The following TTC1 variants were observed in gnomAD, a reference collection of about 807,000 sequenced individuals.
TTC1 encodes the protein tetratricopeptide repeat domain 1, also known as tetratricopeptide repeat protein 1.
In TTC1, 31 loss-of-function variants were observed where a neutral mutation model predicts 37.6. The ratio of observed to expected loss-of-function variants is 0.82; its 90% CI spans 0.62 to 1.11. The LOEUF is 1.11. Among genes scored for constraint, TTC1 ranks in the 50% most tolerant of loss-of-function variants. The pLI, the probability that TTC1 is intolerant of heterozygous loss-of-function variation, is 0.00. For synonymous variants in TTC1, 127 were observed against 122.4 expected (o/e 1.04, Z -0.25); for missense variants, 351 against 339.0 (o/e 1.04, Z -0.28).
chr5:160,039,276 TTCTC>T (rs1455230602), intron 4 of TTC1: 4 of 148,916 alleles, frequency 2.7e-5, no homozygotes, highest in Non-Finnish European at 5.9e-5. Context: ...AAAGAGTAGG[TTCTC>T]TTTTTTTTTT....
intron 7 of TTC1, 139 bp downstream of exon 7, chr5:160,051,322 C>G (rs972744539): frequency 2.7e-5 from 17 of 621,742 alleles, no homozygotes; most frequent in Non-Finnish European, 4.0e-5. Flanking sequence ...GTTATTTTGA[C>G]CCCAGAAGGG....
chr5:160,016,334 C>T (rs1248858517), intron 2 of TTC1, among the ~76,000 whole-genome samples: 1 of 152,094 alleles, frequency 6.6e-6, no homozygotes, highest in Non-Finnish European at 1.5e-5. Context: ...GCCGAGATCA[C>T]GCCACTGCAC....
At chr5:160,063,995 G>T (rs956491062) in intron 7 of TTC1, among the ~76,000 whole-genome samples, 14 of 144,316 alleles carry the variant, frequency 9.7e-5, no homozygotes, top group Admixed American at 4.2e-4. Context: ...TTGAGACGGA[G>T]TCTCACTCTG....
intron 5 of TTC1, among the ~76,000 whole-genome samples, chr5:160,046,562 A>G (rs1165587671): frequency 6.6e-6 from 1 of 152,156 alleles, no homozygotes; most frequent in Non-Finnish European, 1.5e-5. Flanking sequence ...TCTATAAATT[A>G]GCACAATGTA....
intron 7 of TTC1, among the ~76,000 whole-genome samples, chr5:160,055,483 G>A (rs1471633546): frequency 6.6e-6 from 1 of 152,198 alleles, no homozygotes; most frequent in African/African-American, 2.4e-5. Context: ...CTAATCACCA[G>A]TTGCAAAGCA....
intron 7 of TTC1, among the ~76,000 whole-genome samples, chr5:160,053,646 C>A (rs1279915476): frequency 6.6e-6 from 1 of 152,164 alleles, no homozygotes. Context: ...ATCACTTTAG[C>A]TTTCAGAGTC....
At chr5:160,041,200 T>C (rs564138549) in intron 4 of TTC1, among the ~76,000 whole-genome samples, 42 of 152,202 alleles carry the variant, frequency 2.8e-4, no homozygotes, top group Non-Finnish European at 5.4e-4. Context: ...CAGTACACTT[T>C]TTTTTAGTAG....
intron 5 of TTC1, among the ~76,000 whole-genome samples, chr5:160,044,067 T>C (rs1757155618): frequency 6.6e-6 from 1 of 152,212 alleles, no homozygotes; most frequent in East Asian, 1.9e-4. Context: ...ATAATCACTT[T>C]TTCTTGCGGC....
At chr5:160,027,373 A>G (rs1356080481) in intron 2 of TTC1, among the ~76,000 whole-genome samples, 1 of 152,220 alleles carries the variant, frequency 6.6e-6, no homozygotes, top group Non-Finnish European at 1.5e-5. Flanking sequence ...ATATATTGAT[A>G]GAAGCTTTGC....
intron 4 of TTC1, among the ~76,000 whole-genome samples, chr5:160,037,274 GAT>G (rs1480049702): frequency 9.8e-5 from 15 of 152,298 alleles, no homozygotes; most frequent in Admixed American, 7.8e-4. Flanking sequence ...CAACAGCTGG[GAT>G]AAAAGGTACC....
chr5:160,038,013 G>T (rs6873751), intron 4 of TTC1, among the ~76,000 whole-genome samples: 24,697 of 150,808 alleles, frequency 0.16, 2,210 homozygotes, highest in East Asian at 0.26. Context: ...TGTTGTTGTT[G>T]TTTTTTTTAA....
intron 3 of TTC1, 137 bp from the exon 4 acceptor site, chr5:160,036,554 A>ATCCC: frequency 1.6e-6 from 1 of 623,288 alleles, no homozygotes; most frequent in South Asian, 1.9e-5. Context: ...ACTGCGCCAG[A>ATCCC]CTTAATAGAC....
chr5:160,062,485 C>T (rs1753447803), intron 7 of TTC1, among the ~76,000 whole-genome samples: 1 of 152,332 alleles, frequency 6.6e-6, no homozygotes, highest in Middle Eastern at 3.4e-3. Flanking sequence ...GGTCTGCCTC[C>T]CCACTAGACT....
intron 5 of TTC1, among the ~76,000 whole-genome samples, chr5:160,045,558 T>TCC (rs1288350012): frequency 3.1e-5 from 2 of 63,592 alleles, no homozygotes; most frequent in African/African-American, 1.3e-4. Flanking sequence ...TCTCTCCCCC[T>TCC]CCCCTCTCTC....
In TTC1 at chr5:160,046,103, C is replaced by T. The variant is rs528267689; in HGVS notation, c.541+2934C>T. Among the ~76,000 whole-genome samples the T allele has an allele frequency of 7.2e-5, 11 of 152,252 alleles. No individual in the cohort carries two copies. The Middle Eastern group carries it at 0.01, about 141-fold the overall frequency. On this transcript the variant is annotated intron_variant, in intron 5 of 7. Transcript: ENST00000231238. ...CAATATTCTCCTTCAATTGCTGTACCATTTATCTGATCCCTTTCATTGAAA... is the reference window on the plus strand; with the variant it reads ...CAATATTCTCCTTCAATTGCTGTACTATTTATCTGATCCCTTTCATTGAAA...
chr5:160,025,173 G>A (rs1449268857), intron 2 of TTC1, among the ~76,000 whole-genome samples: 3 of 152,032 alleles, frequency 2.0e-5, no homozygotes, highest in Non-Finnish European at 2.9e-5. Flanking sequence ...GATTACAGGC[G>A]CCTGCCACCA....
At chr5:160,025,501 C>T (rs1756786256) in intron 2 of TTC1, among the ~76,000 whole-genome samples, 1 of 152,216 alleles carries the variant, frequency 6.6e-6, no homozygotes, top group Non-Finnish European at 1.5e-5. Context: ...GACTATAGGT[C>T]AGAGCTCTGG....
chr5:160,061,108 C>A (rs1020180579), intron 7 of TTC1, among the ~76,000 whole-genome samples: 4 of 152,232 alleles, frequency 2.6e-5, no homozygotes, highest in Admixed American at 6.5e-5. Flanking sequence ...GACAGCCTGG[C>A]AGGAGGCACC....
chr5:160,033,572 A>T (rs1469068439), intron 2 of TTC1, among the ~76,000 whole-genome samples: 1 of 152,236 alleles, frequency 6.6e-6, no homozygotes, highest in Non-Finnish European at 1.5e-5. Flanking sequence ...TTATAAACAA[A>T]AGAGGTTGAA....
Sources: allele counts gnomAD v4.1 joint callset (sites outside exome capture counted in the v4.1 genomes callset), GRCh38; gene constraint gnomAD v4.1.1; transcripts MANE v1.5; gene names NCBI Gene and HGNC (gene_info 2026-07-23, HGNC 2026-07-21).